WDR90: variants seen among roughly 807,000 people sequenced by gnomAD.
WDR90 encodes the protein WD repeat-containing protein 90.
Under a neutral mutation model 195.2 loss-of-function variants are expected in WDR90, and 238 were observed. The ratio of observed to expected loss-of-function variants is 1.22; its 90% CI spans 1.10 to 1.36. The LOEUF (loss-of-function observed/expected upper bound fraction) is 1.36, where lower values mean the gene tolerates loss of function less well. Among genes scored for constraint, WDR90 ranks in the 40% most tolerant of loss-of-function variants. The pLI is 0.00. For synonymous variants in WDR90, 1,265 were observed against 1,052.4 expected (o/e 1.20, Z -3.91); for missense variants, 2,734 against 2,439.5 (o/e 1.12, Z -2.54).
intron 5 of WDR90, 31 bp downstream of exon 5, chr16:650,740 T>C: frequency 1.9e-6 from 3 of 1,595,308 alleles, no homozygotes; most frequent in Non-Finnish European, 2.6e-6. Context: ...CCCCACTCCA[T>C]ATCTCACCCA....
Position 666,900 on chromosome 16 carries a change from C to G in WDR90, c.5005-5C>G. On this transcript the variant is annotated splice_region_variant and splice_polypyrimidine_tract_variant and intron_variant, in intron 39 of 40. Transcript: ENST00000293879. ...GGCCTGGAGCCTCACGCTGGCTGCT[C>G]ACAGGTGGTGGAGAAGATACCACTG... The G allele has an allele frequency of 6.2e-7, 1 of 1,613,128 alleles. No homozygotes were observed. The highest frequency in any genetic ancestry group is 8.5e-7 in the Non-Finnish European group (1 of 1,179,936).
intron 33 of WDR90, 111 bp downstream of exon 33, chr16:662,442 C>T: frequency 7.4e-7 from 1 of 1,355,862 alleles, no homozygotes; most frequent in Admixed American, 2.1e-5. Context: ...GACCGGCCGC[C>T]TGCTAGCCCC....
Position 667,454 on chromosome 16 carries a change from CTG to C in WDR90, c.5115_5116del (p.Ala1706HisfsTer84). 2 of 1,603,874 alleles carry C rather than the reference CTG, an allele frequency of 1.2e-6. No homozygotes were observed. The highest frequency in any genetic ancestry group is 2.2e-5 in the East Asian group (1 of 44,618). The stretch of plus-strand genomic sequence containing the variant: ...CAGAGTGCATGCTGAGGCTGGTAGA[CTG>C]TGCCATGGGGACTGCCCAAGACTTT... Reference protein sequence around the residue: ...FAECMLRLVDCAMGTAQDFAG... With the variant: ...FAECMLRLVDXAMGTAQDFAG... On this transcript the variant is annotated frameshift_variant, in exon 41 of 41. Coordinates refer to ENST00000293879, the MANE Select transcript of WDR90 (RefSeq NM_145294.5). LOFTEE classifies it low-confidence loss of function (END_TRUNC).
At position 656,872 on chromosome 16, in the gene WDR90, G is replaced by GT. The variant is rs2037767406; in HGVS notation, c.2342+2dup. 2.5e-6 allele frequency: 4 copies of GT among 1,611,972 alleles called. No individual in the cohort carries two copies. The highest frequency in any genetic ancestry group is 3.4e-6 in the Non-Finnish European group (4 of 1,179,524). On this transcript the variant is annotated splice_donor_variant, in intron 19 of 40. Transcript: ENST00000293879. LOFTEE classifies it high-confidence loss of function. ...CCGCTGAGGTCCTGGTGGAACACAC[G>GT]TAAGTGCCCAGCTGGCCACCAGCCC...
rs577212887 is a variant in WDR90, at chr16:652,168, G to T, written c.1053+129G>T. On this transcript the variant is annotated intron_variant, in intron 9 of 40. Transcript: ENST00000293879. ...TCCTCTTGTTCAGCCTCCTGGCAAGGAGCAGAGCTGGCGGGAGGCGGCTTT... is the reference window on the plus strand; with the variant it reads ...TCCTCTTGTTCAGCCTCCTGGCAAGTAGCAGAGCTGGCGGGAGGCGGCTTT... 1.5e-5 allele frequency: 18 copies of T among 1,175,598 alleles called. No homozygotes were observed. In the South Asian group the frequency reaches 2.7e-4, roughly 17 times the overall value. 72.8% of individuals were successfully genotyped at this position (1,175,598 alleles called of 1,614,324 possible). A position where few individuals can be genotyped will look rare whatever the true frequency, so the allele number is the denominator to read the frequency against.
chr16:660,275 GC>G, intron 27 of WDR90, 114 bp downstream of exon 27: 1 of 963,086 alleles, frequency 1.0e-6, no homozygotes, highest in East Asian at 2.7e-5. Context: ...GATGGCTCTG[GC>G]CCTTGGGCGC....
chr16:659,114 G>C lies in WDR90; in HGVS notation c.3040G>C (p.Ala1014Pro). The change falls in exon 25 of 41, where the codon GCC becomes CCC. Residue 1014 changes from alanine to proline, a missense_variant. Ala to Pro is a conservative substitution (Grantham distance 27, BLOSUM62 -1). Transcript: ENST00000293879. The stretch of plus-strand genomic sequence containing the variant: ...CCAAAGCTTCCCCGGGGCCCCCCCA[G>C]CCTGCAAGACAGGTGAGTGGCTGTG... ...SDQSFPGAPP[A>P]CKTGPGAGPL... 6.2e-7 allele frequency: 1 copy of C among 1,611,974 alleles called. No homozygotes were observed. The highest frequency in any genetic ancestry group is 8.5e-7 in the Non-Finnish European group (1 of 1,179,906).
chr16:655,118 C>G lies in WDR90; in HGVS notation c.1527C>G (p.Ala509=). The change falls in exon 14 of 41, where the codon GCC becomes GCG. Residue 509 remains alanine, a synonymous_variant. Coordinates refer to ENST00000293879, the MANE Select transcript of WDR90 (RefSeq NM_145294.5). ...AKAHTDFDVQ[A]FRVTFFDETR... ...CGCACACTGACTTTGACGTCCAGGC[C>G]TTCCGGGTCACCTTTTTTGATGAAA... The G allele has an allele frequency of 6.2e-7, 1 of 1,612,846 alleles. No individual in the cohort carries two copies.
At chr16:653,248 C>G in intron 10 of WDR90, 93 bp from the exon 11 acceptor site, 1 of 1,095,752 alleles carries the variant, frequency 9.1e-7, no homozygotes, top group Non-Finnish European at 1.3e-6. Flanking sequence ...ACCCCCTCTC[C>G]CTGGGCTGGA....
At chr16:667,127 G>C (rs2038102973) in intron 40 of WDR90, 138 bp downstream of exon 40, 2 of 974,742 alleles carry the variant, frequency 2.1e-6, no homozygotes, top group Middle Eastern at 2.7e-4. Flanking sequence ...ATCTGCCCTA[G>C]AGAGGGTCCT....
At position 661,668 on chromosome 16, in the gene WDR90, C is replaced by T. The variant is rs376665812; in HGVS notation, c.3745C>T (p.Pro1249Ser). The T allele has an allele frequency of 1.9e-6, 3 of 1,611,960 alleles. No homozygotes were observed. The highest frequency in any genetic ancestry group is 2.2e-5 in the East Asian group (1 of 44,886). Residue 1249 changes from proline (P) to serine (S), a missense_variant, in exon 31 of 41, where the codon CCG becomes TCG. Transcript: ENST00000293879. ...TYDLVSSTRL[P>S]EPVHGVAFNP... ...TGACCTCGTGTCCTCCACCCGCCTCCCGGAGCCGGTGCATGGTGTGGCCTT... is the reference window on the plus strand; with the variant it reads ...TGACCTCGTGTCCTCCACCCGCCTCTCGGAGCCGGTGCATGGTGTGGCCTT...
In WDR90 at chr16:656,760, C is replaced by T. The variant is rs546609188; in HGVS notation, c.2231C>T (p.Ala744Val). Residue 744 changes from alanine to valine, a missense_variant, in exon 19 of 41, where the codon GCC (alanine) becomes GTC (valine). Ala to Val is a moderately conservative substitution (Grantham distance 64). Transcript: ENST00000293879. The part of the protein sequence containing the change: ...QLYDFTSSED[A>V]PCAVTFHPTR... ...TACGACTTCACATCATCAGAGGACG[C>T]CCCGTGCGCTGTCACCTTCCACCCC... is the stretch of plus-strand genomic sequence containing the variant. 12 of 1,613,242 alleles carry T rather than the reference C, an allele frequency of 7.4e-6. No homozygotes were observed. In the South Asian group the frequency reaches 1.1e-4, roughly 15 times the overall value.
chr16:665,277 GCC>G (rs2037998832), intron 34 of WDR90: 1 of 404,102 alleles, frequency 2.5e-6, no homozygotes, highest in African/African-American at 2.2e-5. Context: ...TCAGTCTGCA[GCC>G]TGCTAGGGAC....
rs1248951405 is a variant in WDR90 at position 655,259 on chromosome 16, G to A, written c.1557-48G>A. 10 of 1,611,106 alleles carry A rather than the reference G, an allele frequency of 6.2e-6. No homozygotes were observed. The African/African-American group carries it at 1.2e-4, about 19-fold the overall frequency. ...TGTGCGTCTCTGCGTCTCCCGGTGG[G>A]TCAGGGCGCTGCGAGCTGCGGCAGT... On this transcript the variant is annotated intron_variant, in intron 14 of 40. Coordinates refer to ENST00000293879, the MANE Select transcript of WDR90 (RefSeq NM_145294.5).
At chr16:661,229 A>G in intron 29 of WDR90, 57 bp downstream of exon 29, 9 of 1,517,236 alleles carry the variant, frequency 5.9e-6, no homozygotes, top group Non-Finnish European at 7.9e-6. Context: ...GGCAGAACCC[A>G]GCTCCCGGAC....
Position 653,606 on chromosome 16 carries a change from G to A in WDR90, c.1315G>A (p.Asp439Asn), listed in dbSNP as rs1212459600. The change falls in exon 12 of 41, where the codon GAC becomes AAC. Residue 439 changes from aspartate (D) to asparagine (N), a missense_variant. Coordinates refer to ENST00000293879, the MANE Select transcript of WDR90 (RefSeq NM_145294.5). ...ARAPSVMRLW[D>N]FQTGRCLCLF... Reference sequence around the variant, plus strand: ...GGCCCCTAGTGTGATGCGGCTCTGGGACTTCCAGACCGGGCGGTGCTTGTG... The same window carrying A: ...GGCCCCTAGTGTGATGCGGCTCTGGAACTTCCAGACCGGGCGGTGCTTGTG... 1 of 1,613,528 alleles carries A rather than the reference G, an allele frequency of 6.2e-7. No individual in the cohort carries two copies. The highest frequency in any genetic ancestry group is 1.1e-5 in the South Asian group (1 of 91,088).
At position 656,769 on chromosome 16, in the gene WDR90, C is replaced by T. The variant is rs763383325; in HGVS notation, c.2240C>T (p.Ala747Val). ...ACATCATCAGAGGACGCCCCGTGCG[C>T]TGTCACCTTCCACCCCACAAGGCCA... ...DFTSSEDAPC[A>V]VTFHPTRPTF... The change falls in exon 19 of 41, where the codon GCT becomes GTT. Residue 747 changes from alanine (A) to valine (V), a missense_variant. By Grantham distance (64) the Ala-to-Val change is moderately conservative. Coordinates refer to ENST00000293879, the MANE Select transcript of WDR90 (RefSeq NM_145294.5). The T allele has an allele frequency of 6.2e-7, 1 of 1,613,292 alleles. No individual in the cohort carries two copies. Among genetic ancestry groups the T allele is most frequent in the South Asian group, 1.1e-5 (1 of 91,086 alleles).
In WDR90 at chr16:656,797, C is replaced by G; in HGVS notation, c.2268C>G (p.Thr756=). The change falls in exon 19 of 41, where the codon ACC becomes ACG. Residue 756 remains threonine, a synonymous_variant. Transcript: ENST00000293879. ...CAVTFHPTRP[T]FFCGFSSGAV... is the part of the protein sequence containing the mutation. ...TCACCTTCCACCCCACAAGGCCAAC[C>G]TTTTTCTGTGGCTTTAGCAGTGGGG... 2 of 1,613,254 alleles carry G rather than the reference C, an allele frequency of 1.2e-6. No individual in the cohort carries two copies. The highest frequency in any genetic ancestry group is 1.7e-6 in the Non-Finnish European group (2 of 1,179,982).
rs781039050 is a variant in WDR90 at position 650,282 on chromosome 16, C to T, written c.308C>T (p.Ser103Phe). The change falls in exon 4 of 41, where the codon TCC (serine) becomes TTC (phenylalanine). Residue 103 changes from serine (S) to phenylalanine (F), a missense_variant. Coordinates refer to ENST00000293879, the MANE Select transcript of WDR90 (RefSeq NM_145294.5). ...KDNQVIRVSF[S>F]NLFKEFKSTA... ...AACCAAGTCATCCGTGTGTCTTTCT[C>T]CAACCTCTTCAAGGAGTTTAAGTCT... is the stretch of plus-strand genomic sequence containing the variant. The T allele has an allele frequency of 2.5e-6, 4 of 1,613,022 alleles. No homozygotes were observed. Among genetic ancestry groups the T allele is most frequent in the Admixed American group, 3.3e-5 (2 of 60,036 alleles).
Sources: gnomAD v4.1 joint callset for allele counts on GRCh38, gnomAD v4.1.1 for gene constraint, MANE v1.5 for transcripts, NCBI Gene and HGNC (gene_info 2026-07-23, HGNC 2026-07-21) for gene names.